Variants in CTIF observed in about 807,000 individuals in gnomAD.
CTIF encodes cap binding complex dependent translation initiation factor, also known as CBP80/20-dependent translation initiation factor.
In CTIF, 21 loss-of-function variants were observed where a neutral mutation model predicts 66.0. The ratio of observed to expected loss-of-function variants is 0.32; its 90% CI spans 0.23 to 0.46. CTIF has a LOEUF of 0.46. Ranked by LOEUF, CTIF falls within the 20% of genes least tolerant of loss-of-function variation. CTIF has a pLI of 1.00. For synonymous variants in CTIF, 345 were observed against 326.4 expected, an observed-to-expected ratio of 1.06 and a Z score of -0.62; for missense variants, 739 against 812.7, an observed-to-expected ratio of 0.91 and a Z score of 1.10.
chr18:48,734,921 T>A (rs2092486809), intron 7 of CTIF, among the ~76,000 whole-genome samples: 1 of 152,232 alleles, frequency 6.6e-6, no homozygotes, highest in Admixed American at 6.5e-5. Context: ...ATCATATTGC[T>A]GTGTGTGTAC....
At position 48,563,399 on chromosome 18, in the gene CTIF, A is replaced by G. The variant is rs59692445; in HGVS notation, c.-29+24087A>G. Among the ~76,000 whole-genome samples, 279 of 152,300 alleles carry G rather than the reference A, an allele frequency of 1.8e-3. 2 individuals are homozygous for G. Among genetic ancestry groups the G allele is most frequent in the African/African-American group, 6.5e-3 (271 of 41,562 alleles). On this transcript the variant is annotated intron_variant, in intron 1 of 11. Coordinates refer to ENST00000256413, the MANE Select transcript of CTIF (RefSeq NM_014772.3). ...ACTATGGTATCTACTCAGTTTCCCT[A>G]TGGGACCCCACTCTGGCCTGCAGCT...
At chr18:48,576,380 G>A (rs988207392) in intron 1 of CTIF, among the ~76,000 whole-genome samples, 2 of 152,202 alleles carry the variant, frequency 1.3e-5, no homozygotes, top group African/African-American at 4.8e-5. Flanking sequence ...AGGGAGGCGG[G>A]GTACTGGTGC....
chr18:48,780,015 C>T (rs1911061184), intron 9 of CTIF, among the ~76,000 whole-genome samples: 1 of 152,134 alleles, frequency 6.6e-6, no homozygotes, highest in African/African-American at 2.4e-5. Flanking sequence ...GTTCCAGCAG[C>T]AGAAGTCCTA....
At chr18:48,725,107 A>G (rs550202274) in intron 7 of CTIF, among the ~76,000 whole-genome samples, 135 of 152,360 alleles carry the variant, frequency 8.9e-4, no homozygotes, top group Middle Eastern at 3.4e-3. Flanking sequence ...CTGTGTGGCC[A>G]CAGCAAACAC....
chr18:48,752,680 G>A (rs1352467471), intron 7 of CTIF, among the ~76,000 whole-genome samples: 1 of 152,200 alleles, frequency 6.6e-6, no homozygotes, highest in Non-Finnish European at 1.5e-5. Context: ...CCCAGCCCAT[G>A]CAACTGTGAG....
intron 9 of CTIF, among the ~76,000 whole-genome samples, chr18:48,763,912 G>T (rs1390830010): frequency 1.3e-5 from 2 of 152,088 alleles, no homozygotes; most frequent in Non-Finnish European, 2.9e-5. Flanking sequence ...CTCCATAGTA[G>T]GTCTGTCATG....
intron 1 of CTIF, among the ~76,000 whole-genome samples, chr18:48,614,194 G>C (rs2144332367): frequency 6.6e-6 from 1 of 152,256 alleles, no homozygotes; most frequent in East Asian, 1.9e-4. Context: ...CTGGGAATGA[G>C]ACACTGAGCC....
At chr18:48,735,089 T>TTG (rs757956310) in intron 7 of CTIF, among the ~76,000 whole-genome samples, 5 of 138,084 alleles carry the variant, frequency 3.6e-5, no homozygotes, top group Admixed American at 7.0e-5. Flanking sequence ...TATGTCCAGT[T>TTG]TGTGTGCGTG....
At chr18:48,549,986 G>A (rs188018150) in intron 1 of CTIF, among the ~76,000 whole-genome samples, 1 of 152,084 alleles carries the variant, frequency 6.6e-6, no homozygotes, top group Non-Finnish European at 1.5e-5. Flanking sequence ...TTGTTTGTTT[G>A]TTTGTTTTTT....
At chr18:48,620,511 T>C (rs2090474643) in intron 2 of CTIF, among the ~76,000 whole-genome samples, 1 of 152,252 alleles carries the variant, frequency 6.6e-6, no homozygotes, top group East Asian at 1.9e-4. Flanking sequence ...GCTGCCAGTG[T>C]GACCTTGGGC....
intron 1 of CTIF, among the ~76,000 whole-genome samples, chr18:48,554,802 C>T (rs1188487132): frequency 6.6e-6 from 1 of 152,270 alleles, no homozygotes; most frequent in Non-Finnish European, 1.5e-5. Flanking sequence ...TGGCCTCCTG[C>T]AGGCATCTGC....
At chr18:48,728,840 C>T (rs2092411122) in intron 7 of CTIF, among the ~76,000 whole-genome samples, 1 of 152,130 alleles carries the variant, frequency 6.6e-6, no homozygotes, top group African/African-American at 2.4e-5. Context: ...TGCCATATTC[C>T]ATTGGTCACA....
intron 1 of CTIF, among the ~76,000 whole-genome samples, chr18:48,588,154 G>T (rs1330586147): frequency 6.6e-6 from 1 of 152,174 alleles, no homozygotes; most frequent in African/African-American, 2.4e-5. Context: ...CTCCTAAGTG[G>T]CAGCTCCATG....
intron 9 of CTIF, among the ~76,000 whole-genome samples, chr18:48,802,307 A>G (rs2068064436): frequency 6.6e-6 from 1 of 152,234 alleles, no homozygotes; most frequent in South Asian, 2.1e-4. Context: ...AGGCCTGGCA[A>G]ACACCTGTCT....
intron 9 of CTIF, among the ~76,000 whole-genome samples, chr18:48,788,133 C>T (rs948219714): frequency 6.6e-6 from 1 of 152,192 alleles, no homozygotes; most frequent in Non-Finnish European, 1.5e-5. Flanking sequence ...GATGGCCGAC[C>T]CTCTCTAGCC....
chr18:48,721,129 A>G (rs1218094987), intron 7 of CTIF, among the ~76,000 whole-genome samples: 1 of 152,204 alleles, frequency 6.6e-6, no homozygotes. Context: ...CTCGATCACA[A>G]TAATCCCCTT....
At chr18:48,722,220 T>C (rs2145578017) in intron 7 of CTIF, among the ~76,000 whole-genome samples, 2 of 146,544 alleles carry the variant, frequency 1.4e-5, no homozygotes, top group South Asian at 4.6e-4. Context: ...TTTTTTTTTT[T>C]TTTTTTTTTT....
intron 10 of CTIF, among the ~76,000 whole-genome samples, chr18:48,832,537 G>A (rs961554406): frequency 2.6e-5 from 4 of 152,158 alleles, no homozygotes; most frequent in African/African-American, 9.7e-5. Context: ...AGAATCCACG[G>A]ATAGGGACAC....
intron 10 of CTIF, among the ~76,000 whole-genome samples, chr18:48,829,020 A>C (rs1356815724): frequency 6.6e-6 from 1 of 152,216 alleles, no homozygotes; most frequent in African/African-American, 2.4e-5. Flanking sequence ...GGCCCCTGCT[A>C]TCTGCAGAGC....
Sources: gnomAD v4.1 joint callset for allele counts (sites outside exome capture counted in the v4.1 genomes callset) on GRCh38, gnomAD v4.1.1 for gene constraint, MANE v1.5 for transcripts, NCBI Gene and HGNC (gene_info 2026-07-23, HGNC 2026-07-21) for gene names.